Variants in UST observed in about 807,000 individuals in gnomAD.
The protein encoded by UST is chondroitin sulfate 2-O-sulfotransferase.
Under a neutral mutation model 45.6 loss-of-function variants are expected in UST, and 21 were observed. That is an observed-to-expected ratio of 0.46 (90% CI 0.33 to 0.66). The LOEUF is 0.66. UST is among the 30% of genes least tolerant of loss of function. The pLI, the probability that UST is intolerant of heterozygous loss-of-function variation, is 0.02. For synonymous variants in UST, 215 were observed against 200.6 expected, an observed-to-expected ratio of 1.07 and a Z score of -0.61; for missense variants, 463 against 512.4, an observed-to-expected ratio of 0.90 and a Z score of 0.93.
chr6:148,847,882 G>C (rs1778020031), intron 1 of UST, among the ~76,000 whole-genome samples: 1 of 152,228 alleles, frequency 6.6e-6, no homozygotes, highest in South Asian at 2.1e-4. Context: ...ATACTCATCA[G>C]TGGGTTCATT....
intron 2 of UST, among the ~76,000 whole-genome samples, chr6:148,905,243 T>TGAA (rs1779333817): frequency 6.6e-6 from 1 of 152,172 alleles, no homozygotes; most frequent in Non-Finnish European, 1.5e-5. Context: ...TCTTCCCTGG[T>TGAA]CCCTGACACC....
At chr6:148,767,965 G>A (rs993104816) in intron 1 of UST, among the ~76,000 whole-genome samples, 19 of 152,098 alleles carry the variant, frequency 1.2e-4, no homozygotes, top group Non-Finnish European at 2.6e-4. Flanking sequence ...TTGTAGGTAA[G>A]GTTGTGATGA....
intron 2 of UST, among the ~76,000 whole-genome samples, chr6:148,902,006 G>A (rs1779268460): frequency 6.6e-6 from 1 of 152,122 alleles, no homozygotes; most frequent in Admixed American, 6.5e-5. Context: ...GAGTATGAAG[G>A]TTTTTGCCAG....
At chr6:148,769,820 G>GCATT (rs1776388079) in intron 1 of UST, among the ~76,000 whole-genome samples, 1 of 151,140 alleles carries the variant, frequency 6.6e-6, no homozygotes. Context: ...CTGCCGCTAG[G>GCATT]CATTCACAAA....
intron 1 of UST, among the ~76,000 whole-genome samples, chr6:148,812,633 G>T (rs1017653151): frequency 2.6e-5 from 4 of 152,200 alleles, no homozygotes; most frequent in Admixed American, 6.5e-5. Flanking sequence ...TCAGTTTCTG[G>T]CCACATGGGT....
At chr6:149,066,450 G>T (rs956171183) in intron 7 of UST, among the ~76,000 whole-genome samples, 1 of 152,132 alleles carries the variant, frequency 6.6e-6, no homozygotes, top group Admixed American at 6.5e-5. Flanking sequence ...ATGAAGAAGA[G>T]GGGGTGGATG....
At chr6:149,052,514 G>T (rs997629676) in intron 7 of UST, among the ~76,000 whole-genome samples, 2 of 152,112 alleles carry the variant, frequency 1.3e-5, no homozygotes, top group Non-Finnish European at 2.9e-5. Flanking sequence ...TGAGCTGGTC[G>T]CTAGCAGCAC....
chr6:148,817,390 A>C (rs915075536), intron 1 of UST, among the ~76,000 whole-genome samples: 1 of 152,236 alleles, frequency 6.6e-6, no homozygotes, highest in African/African-American at 2.4e-5. Flanking sequence ...TGAGCCAAAT[A>C]TGAGTGACCA....
At chr6:148,922,439 C>T (rs1459953949) in intron 2 of UST, among the ~76,000 whole-genome samples, 7 of 151,644 alleles carry the variant, frequency 4.6e-5, no homozygotes, top group Non-Finnish European at 4.4e-5. Context: ...CAGTTCATTT[C>T]TTTCTATGGC....
Position 149,073,915 on chromosome 6 carries a change from G to T in UST, c.1020G>T (p.Arg340=), listed in dbSNP as rs867125541. The T allele has an allele frequency of 1.2e-6, 2 of 1,614,202 alleles. No individual in the cohort carries two copies. Among genetic ancestry groups the T allele is most frequent in the Non-Finnish European group, 8.5e-7 (1 of 1,180,032 alleles). The part of the protein sequence containing the change: ...SPEAVQILYQ[R]MRYEYEFYHY... ...AGGCTGTGCAGATCCTCTACCAGCG[G>T]ATGAGATACGAGTACGAGTTTTACC... The change falls in exon 8 of 8, where the codon CGG becomes CGT. Residue 340 remains arginine, a synonymous_variant. Transcript: ENST00000367463.
intron 7 of UST, among the ~76,000 whole-genome samples, chr6:149,068,922 G>C (rs1776780395): frequency 6.6e-6 from 1 of 152,050 alleles, no homozygotes; most frequent in Non-Finnish European, 1.5e-5. Flanking sequence ...CCCAGCCTCT[G>C]GTATGTATCA....
intron 5 of UST, chr6:148,992,908 G>A: frequency 1.2e-6 from 1 of 806,442 alleles, no homozygotes; most frequent in Non-Finnish European, 1.5e-6. Flanking sequence ...TTCTCAGAAT[G>A]TTTTTAAATG....
chr6:148,813,899 T>C (rs900842449), intron 1 of UST, among the ~76,000 whole-genome samples: 7 of 152,130 alleles, frequency 4.6e-5, no homozygotes, highest in Admixed American at 3.3e-4. Context: ...AAATGAATAC[T>C]CAATTAATAG....
chr6:149,023,811 G>A (rs748701246), intron 7 of UST, among the ~76,000 whole-genome samples: 1 of 152,148 alleles, frequency 6.6e-6, no homozygotes, highest in African/African-American at 2.4e-5. Flanking sequence ...GGCTCTTGTC[G>A]TGGTATATCA....
intron 5 of UST, among the ~76,000 whole-genome samples, chr6:149,017,293 C>G (rs943408081): frequency 6.6e-6 from 1 of 151,754 alleles, no homozygotes; most frequent in Non-Finnish European, 1.5e-5. Context: ...AGGAGAATGG[C>G]GTGAACCCGG....
chr6:148,831,248 G>A (rs914981250), intron 1 of UST, among the ~76,000 whole-genome samples: 1 of 152,090 alleles, frequency 6.6e-6, no homozygotes, highest in South Asian at 2.1e-4. Context: ...TAACTTCTGC[G>A]GTACAATTCT....
At chr6:149,017,231 G>A (rs1775913599) in intron 5 of UST, among the ~76,000 whole-genome samples, 1 of 152,084 alleles carries the variant, frequency 6.6e-6, no homozygotes, top group Non-Finnish European at 1.5e-5. Flanking sequence ...CAAAAAATTA[G>A]CCGGGTGTGG....
At chr6:148,947,435 A>C (rs1349489962) in intron 3 of UST, among the ~76,000 whole-genome samples, 1 of 152,250 alleles carries the variant, frequency 6.6e-6, no homozygotes, top group Non-Finnish European at 1.5e-5. Flanking sequence ...GCAGAGCCAA[A>C]GTTATTTGTA....
At chr6:148,940,361 G>T (rs1461837367) in intron 2 of UST, among the ~76,000 whole-genome samples, 1 of 152,036 alleles carries the variant, frequency 6.6e-6, no homozygotes, top group Non-Finnish European at 1.5e-5. Flanking sequence ...GCCAGTCGTG[G>T]TGTGTGCCTG....
Sources: gnomAD v4.1 joint callset for allele counts (sites outside exome capture counted in the v4.1 genomes callset) on GRCh38, gnomAD v4.1.1 for gene constraint, MANE v1.5 for transcripts, NCBI Gene and HGNC (gene_info 2026-07-23, HGNC 2026-07-21) for gene names.